TAS1R3: variants seen among roughly 807,000 people sequenced by gnomAD.
The protein encoded by TAS1R3 is taste receptor type 1 member 3.
In TAS1R3, 58 loss-of-function variants were observed where a neutral mutation model predicts 46.1. That is an observed-to-expected ratio of 1.26 (90% CI 1.02 to 1.57). The LOEUF (loss-of-function observed/expected upper bound fraction) is 1.57, where lower values mean the gene tolerates loss of function less well. Ranked by LOEUF, TAS1R3 falls within the 40% of genes most tolerant of loss-of-function variation. The probability of loss-of-function intolerance (pLI) is 0.00; values close to 1 mark genes in which losing one functional copy is unlikely to be tolerated. For synonymous variants in TAS1R3, 724 were observed against 544.7 expected, an observed-to-expected ratio of 1.33 and a Z score of -4.58; for missense variants, 1,422 against 1,185.8, an observed-to-expected ratio of 1.20 and a Z score of -2.93.
Position 1,331,819 on chromosome 1 carries a change from A to G in TAS1R3, c.373A>G (p.Ile125Val), listed in dbSNP as rs1028200144. The change falls in exon 2 of 6, where the codon ATC becomes GTC. Residue 125 changes from isoleucine (I) to valine (V), a missense_variant. Transcript: ENST00000339381. Reference protein sequence around the residue: ...MFLAKAGSRDIAAYCNYTQYQ... With the variant: ...MFLAKAGSRDVAAYCNYTQYQ... The stretch of plus-strand genomic sequence containing the variant: ...CCTGGCCAAGGCAGGCAGCCGCGAC[A>G]TCGCCGCCTACTGCAACTACACGCA... 13 of 1,612,736 alleles carry G rather than the reference A, an allele frequency of 8.1e-6. No individual in the cohort carries two copies. The highest frequency in any genetic ancestry group is 1.6e-4 in the Middle Eastern group (1 of 6,084).
At position 1,332,206 on chromosome 1, in the gene TAS1R3, C is replaced by A. The variant is rs761144545; in HGVS notation, c.675C>A (p.Ile225=). ...DDEYGRQGLS[I]FSALAAARGI... ...AGTACGGCCGGCAGGGCCTGAGCAT[C>A]TTCTCGGCCCTGGCCGCGGCACGCG... Residue 225 remains isoleucine (I), a synonymous_variant, in exon 3 of 6, where the codon ATC becomes ATA. Coordinates refer to ENST00000339381, the MANE Select transcript of TAS1R3 (RefSeq NM_152228.3). 1.9e-6 allele frequency: 3 copies of A among 1,594,012 alleles called. No homozygotes were observed. The highest frequency in any genetic ancestry group is 8.5e-7 in the Non-Finnish European group (1 of 1,176,558).
In TAS1R3 at chr1:1,333,930, C is replaced by T. The variant is rs754279183; in HGVS notation, c.2025C>T (p.Cys675=). 1.9e-6 allele frequency: 3 copies of T among 1,599,852 alleles called. No individual in the cohort carries two copies. In the African/African-American group the frequency reaches 4.0e-5, roughly 22 times the overall value. The change falls in exon 6 of 6, where the codon TGC becomes TGT. Residue 675 remains cysteine (C), a synonymous_variant. Coordinates refer to ENST00000339381, the MANE Select transcript of TAS1R3 (RefSeq NM_152228.3). The part of the protein sequence containing the change: ...PLSWADRLSG[C]LRGPWAWLVV... ...GCTGGGCAGACCGGCTGAGTGGCTG[C>T]CTGCGGGGGCCCTGGGCCTGGCTGG...
chr1:1,333,399 G>C lies in TAS1R3; in HGVS notation c.1600+20G>C. 1 of 1,611,448 alleles carries C rather than the reference G, an allele frequency of 6.2e-7. No homozygotes were observed. Among genetic ancestry groups the C allele is most frequent in the Non-Finnish European group, 8.5e-7 (1 of 1,179,662 alleles). On this transcript the variant is annotated intron_variant, in intron 5 of 5. Coordinates refer to ENST00000339381, the MANE Select transcript of TAS1R3 (RefSeq NM_152228.3). Reference sequence around the variant, plus strand: ...ACCCAGGTGAGCCGCCTTCCCGGCAGGCGGGGGTGGGAACGCAGCAGGGGA... The same window carrying C: ...ACCCAGGTGAGCCGCCTTCCCGGCACGCGGGGGTGGGAACGCAGCAGGGGA...
In TAS1R3 at chr1:1,332,209, C is replaced by G. The variant is rs1557656055; in HGVS notation, c.678C>G (p.Phe226Leu). The G allele has an allele frequency of 6.3e-7, 1 of 1,594,066 alleles. No individual in the cohort carries two copies. Reference sequence around the variant, plus strand: ...ACGGCCGGCAGGGCCTGAGCATCTTCTCGGCCCTGGCCGCGGCACGCGGCA... The same window carrying G: ...ACGGCCGGCAGGGCCTGAGCATCTTGTCGGCCCTGGCCGCGGCACGCGGCA... Reference protein sequence around the residue: ...DEYGRQGLSIFSALAAARGIC... With the variant: ...DEYGRQGLSILSALAAARGIC... Residue 226 changes from phenylalanine to leucine, a missense_variant, in exon 3 of 6, where the codon TTC becomes TTG. Coordinates refer to ENST00000339381, the MANE Select transcript of TAS1R3 (RefSeq NM_152228.3).
Position 1,332,179 on chromosome 1 carries a change from C to A in TAS1R3, c.648C>A (p.Asp216Glu). Residue 216 changes from aspartate (D) to glutamate (E), a missense_variant, in exon 3 of 6, where the codon GAC (aspartate) becomes GAA (glutamate). Transcript: ENST00000339381. ...WNWVAALGSDDEYGRQGLSIF... is the reference protein window; with the variant it reads ...WNWVAALGSDEEYGRQGLSIF... ...GGGTGGCCGCCCTGGGCAGCGACGA[C>A]GAGTACGGCCGGCAGGGCCTGAGCA... 6.3e-7 allele frequency: 1 copy of A among 1,596,374 alleles called. No homozygotes were observed. Among genetic ancestry groups the A allele is most frequent in the Non-Finnish European group, 8.5e-7 (1 of 1,178,160 alleles).
In TAS1R3 at chr1:1,331,475, G is replaced by T; in HGVS notation, c.130G>T (p.Gly44Cys). The T allele has an allele frequency of 6.2e-7, 1 of 1,607,174 alleles. No homozygotes were observed. The highest frequency in any genetic ancestry group is 1.1e-5 in the South Asian group (1 of 90,414). ...DYVLGGLFPL[G>C]EAEEAGLRSR... ...CGTGCTGGGGGGGCTGTTCCCCCTG[G>T]GCGAGGCCGAGGAGGCTGGCCTCCG... Residue 44 changes from glycine (G) to cysteine (C), a missense_variant, in exon 1 of 6, where the codon GGC becomes TGC. Physicochemically the swap from Gly to Cys is radical, Grantham distance 159. Transcript: ENST00000339381.
In TAS1R3 at chr1:1,333,128, A is replaced by AGGTGAG. The variant is rs759018653; in HGVS notation, c.1479+9_1479+14dup. ...CTGGCACACGTCTGACAACCAGGTG[A>AGGTGAG]GGTGAGGGTGGGTGTGCCAGGCGTG... is the stretch of plus-strand genomic sequence containing the variant. On this transcript the variant is annotated splice_donor_region_variant and intron_variant, in intron 4 of 5. Coordinates refer to ENST00000339381, the MANE Select transcript of TAS1R3 (RefSeq NM_152228.3). 1 of 1,609,300 alleles carries AGGTGAG rather than the reference A, an allele frequency of 6.2e-7. No homozygotes were observed. Among genetic ancestry groups the AGGTGAG allele is most frequent in the African/African-American group, 1.3e-5 (1 of 74,802 alleles).
Position 1,333,294 on chromosome 1 carries a change from G to C in TAS1R3, c.1515G>C (p.Glu505Asp), listed in dbSNP as rs1318633084. 3 of 1,598,878 alleles carry C rather than the reference G, an allele frequency of 1.9e-6. No individual in the cohort carries two copies. Among genetic ancestry groups the C allele is most frequent in the Non-Finnish European group, 2.6e-6 (3 of 1,173,862 alleles). The change falls in exon 5 of 6, where the codon GAG (glutamate) becomes GAC (aspartate). Residue 505 changes from glutamate (E) to aspartate (D), a missense_variant. By Grantham distance (45) the Glu-to-Asp change is conservative. Coordinates refer to ENST00000339381, the MANE Select transcript of TAS1R3 (RefSeq NM_152228.3). Reference sequence around the variant, plus strand: ...CCCGGTGCTCGCGGCAGTGCCAGGAGGGCCAGGTGCGCCGGGTCAAGGGGT... The same window carrying C: ...CCCGGTGCTCGCGGCAGTGCCAGGACGGCCAGGTGCGCCGGGTCAAGGGGT... ...PVSRCSRQCQ[E>D]GQVRRVKGFH... is the part of the protein sequence containing the mutation.
rs144916061 is a variant in TAS1R3 at position 1,332,365 on chromosome 1, C to T, written c.834C>T (p.His278=). 69 of 1,599,354 alleles carry T rather than the reference C, an allele frequency of 4.3e-5. No individual in the cohort carries two copies. Among genetic ancestry groups the T allele is most frequent in the South Asian group, 2.2e-4 (20 of 89,570 alleles). ...TGGTGCTGCTGTTCGCCTCCGTGCA[C>T]GCCGCCCACGCCCTCTTCAACTACA... The part of the protein sequence containing the change: ...VQVVLLFASV[H]AAHALFNYSI... The change falls in exon 3 of 6, where the codon CAC becomes CAT. Residue 278 remains histidine (H), a synonymous_variant. Coordinates refer to ENST00000339381, the MANE Select transcript of TAS1R3 (RefSeq NM_152228.3).
rs1242816581 is a variant in TAS1R3 at position 1,333,737 on chromosome 1, TG to T, written c.1834del (p.Val612CysfsTer37). 1.9e-6 allele frequency: 3 copies of T among 1,603,708 alleles called. No homozygotes were observed. The highest frequency in any genetic ancestry group is 1.7e-6 in the Non-Finnish European group (2 of 1,176,852). On this transcript the variant is annotated frameshift_variant, in exon 6 of 6. Coordinates refer to ENST00000339381, the MANE Select transcript of TAS1R3 (RefSeq NM_152228.3). LOFTEE classifies it low-confidence loss of function (END_TRUNC). ...ASGGPLACFGLVCLGLVCLSV... is the reference protein window; with the variant it reads ...ASGGPLACFGXVCLGLVCLSV... ...GGGGGGCCCCTGGCCTGCTTTGGCC[TG>T]GTGTGCCTGGGCCTGGTCTGCCTCA...
At position 1,334,041 on chromosome 1, in the gene TAS1R3, C is replaced by T. The variant is rs746657054; in HGVS notation, c.2136C>T (p.His712=). 3.1e-6 allele frequency: 5 copies of T among 1,601,822 alleles called. No homozygotes were observed. Among genetic ancestry groups the T allele is most frequent in the Admixed American group, 1.7e-5 (1 of 59,934 alleles). Residue 712 remains histidine, a synonymous_variant, in exon 6 of 6, where the codon CAC becomes CAT. Transcript: ENST00000339381. ...CGCCGGAGGTGGTGACGGACTGGCACATGCTGCCCACGGAGGCGCTGGTGC... is the reference window on the plus strand; with the variant it reads ...CGCCGGAGGTGGTGACGGACTGGCATATGCTGCCCACGGAGGCGCTGGTGC... ...AFPPEVVTDW[H]MLPTEALVHC...
At position 1,333,326 on chromosome 1, in the gene TAS1R3, C is replaced by T. The variant is rs200421419; in HGVS notation, c.1547C>T (p.Ser516Phe). The T allele has an allele frequency of 2.5e-6, 4 of 1,606,254 alleles. No individual in the cohort carries two copies. Among genetic ancestry groups the T allele is most frequent in the Admixed American group, 1.7e-5 (1 of 59,040 alleles). ...GQVRRVKGFH[S>F]CCYDCVDCEA... ...GTGCGCCGGGTCAAGGGGTTCCACT[C>T]CTGCTGCTACGACTGTGTGGACTGC... The change falls in exon 5 of 6, where the codon TCC (serine) becomes TTC (phenylalanine). Residue 516 changes from serine to phenylalanine, a missense_variant. Coordinates refer to ENST00000339381, the MANE Select transcript of TAS1R3 (RefSeq NM_152228.3).
chr1:1,332,890 C>T lies in TAS1R3; in HGVS notation c.1276-31C>T, dbSNP rs746035901. The T allele has an allele frequency of 3.1e-6, 5 of 1,590,380 alleles. No homozygotes were observed. The South Asian group carries it at 3.4e-5, about 11-fold the overall frequency. ...GCCACCACGCCTGAGCTGGAGGTGG[C>T]TGGCGGCTCAGCCCCGTCCCCCGCC... On this transcript the variant is annotated intron_variant, in intron 3 of 5. Coordinates refer to ENST00000339381, the MANE Select transcript of TAS1R3 (RefSeq NM_152228.3).
At position 1,334,633 on chromosome 1, in the gene TAS1R3, C is replaced by CAGGGGTGT; in HGVS notation, c.*169_*170insAGGGGTGT. 1 of 731,166 alleles carries CAGGGGTGT rather than the reference C, an allele frequency of 1.4e-6. No individual in the cohort carries two copies. The highest frequency in any genetic ancestry group is 2.2e-6 in the Non-Finnish European group (1 of 461,736). 45.3% of individuals were successfully genotyped at this position (731,166 alleles called of 1,614,324 possible). On this transcript the variant is annotated 3_prime_UTR_variant, in exon 6 of 6. Transcript: ENST00000339381. Reference sequence around the variant, plus strand: ...GCCCTAGGCCTGGAGCACGTGGACACCCCTGTGACCATCTGGGCCCCAGAG... The same window carrying CAGGGGTGT: ...GCCCTAGGCCTGGAGCACGTGGACACAGGGGTGTCCCTGTGACCATCTGGGCCCCAGAG...
rs752217699 is a variant in TAS1R3, at chr1:1,332,846, G to A, written c.1275+40G>A. 3.1e-6 allele frequency: 5 copies of A among 1,590,460 alleles called. No individual in the cohort carries two copies. In the South Asian group the frequency reaches 3.4e-5, roughly 11 times the overall value. Reference sequence around the variant, plus strand: ...TGGGGGTGTGCTGTCCTCTGCATGTGCCCAGGCCACCAGGCACGGCCACCA... The same window carrying A: ...TGGGGGTGTGCTGTCCTCTGCATGTACCCAGGCCACCAGGCACGGCCACCA... On this transcript the variant is annotated intron_variant, in intron 3 of 5. Coordinates refer to ENST00000339381, the MANE Select transcript of TAS1R3 (RefSeq NM_152228.3).
At position 1,333,886 on chromosome 1, in the gene TAS1R3, G is replaced by A; in HGVS notation, c.1981G>A (p.Glu661Lys). 6.2e-7 allele frequency: 1 copy of A among 1,600,582 alleles called. No individual in the cohort carries two copies. The highest frequency in any genetic ancestry group is 8.5e-7 in the Non-Finnish European group (1 of 1,179,842). ...LFLQAAEIFV[E>K]SELPLSWADR... is the part of the protein sequence containing the mutation. ...CCTGCAGGCGGCCGAGATCTTCGTG[G>A]AGTCAGAACTGCCTCTGAGCTGGGC... Residue 661 changes from glutamate to lysine, a missense_variant, in exon 6 of 6, where the codon GAG becomes AAG. Coordinates refer to ENST00000339381, the MANE Select transcript of TAS1R3 (RefSeq NM_152228.3).
In TAS1R3 at chr1:1,332,573, C is replaced by T. The variant is rs200887835; in HGVS notation, c.1042C>T (p.Pro348Ser). Residue 348 changes from proline to serine, a missense_variant, in exon 3 of 6, where the codon CCG becomes TCG. Pro to Ser is a moderately conservative substitution (Grantham distance 74). Transcript: ENST00000339381. Reference sequence around the variant, plus strand: ...GACGCACCTGGCCCTGGCCACCGACCCGGCCTTCTGCTCTGCCCTGGGCGA... The same window carrying T: ...GACGCACCTGGCCCTGGCCACCGACTCGGCCTTCTGCTCTGCCCTGGGCGA... Reference protein sequence around the residue: ...VKTHLALATDPAFCSALGERE... With the variant: ...VKTHLALATDSAFCSALGERE... 246 of 1,611,588 alleles carry T rather than the reference C, an allele frequency of 1.5e-4. 1 individual carries two copies. The highest frequency in any genetic ancestry group is 1.7e-4 in the Non-Finnish European group (203 of 1,179,954).
intron 4 of TAS1R3, 48 bp downstream of exon 4, chr1:1,333,172 G>A (rs1643470557): frequency 6.3e-7 from 1 of 1,593,622 alleles, no homozygotes; most frequent in Non-Finnish European, 8.5e-7. Flanking sequence ...AGCCCCCGCG[G>A]CAGGGCGCAG....
In TAS1R3 at chr1:1,334,753, T is replaced by G; in HGVS notation, c.*289T>G. The G allele has an allele frequency of 2.8e-6, 1 of 352,018 alleles. No homozygotes were observed. Among genetic ancestry groups the G allele is most frequent in the Non-Finnish European group, 5.2e-6 (1 of 193,184 alleles). 21.8% of individuals were successfully genotyped at this position (352,018 alleles called of 1,614,324 possible). Reference sequence around the variant, plus strand: ...AAAGAGGCCCGGAGGGCTCCCAGGGTACCCGCAACCCACACCGTGAGCTCA... The same window carrying G: ...AAAGAGGCCCGGAGGGCTCCCAGGGGACCCGCAACCCACACCGTGAGCTCA... On this transcript the variant is annotated 3_prime_UTR_variant, in exon 6 of 6. Transcript: ENST00000339381.
Sources: gnomAD v4.1 joint callset for allele counts on GRCh38, gnomAD v4.1.1 for gene constraint, MANE v1.5 for transcripts, NCBI Gene and HGNC (gene_info 2026-07-23, HGNC 2026-07-21) for gene names.